Variants in CA1 observed in about 807,000 individuals in gnomAD.
CA1 encodes carbonic anhydrase 1, also known as carbonate dehydratase I.
In CA1, 27 loss-of-function variants were observed where a neutral mutation model predicts 28.8. The observed-to-expected ratio is 0.94, with a 90% CI of 0.69 to 1.29. The LOEUF is 1.29. Among genes scored for constraint, CA1 ranks in the 50% most tolerant of loss-of-function variants. The pLI, the probability that CA1 is intolerant of heterozygous loss-of-function variation, is 0.00. For missense variants in CA1, 335 were observed against 310.5 expected (o/e 1.08, Z -0.59); for synonymous variants, 121 against 108.8 (o/e 1.11, Z -0.70).
At chr8:85,338,063 C>G in intron 3 of CA1, 189 bp downstream of exon 3, 1 of 697,760 alleles carries the variant, frequency 1.4e-6, no homozygotes, top group South Asian at 1.5e-5. Flanking sequence ...AAATAGAGAG[C>G]TGGGAGTTCC....
In CA1 at chr8:85,328,621, A is replaced by C; in HGVS notation, c.725T>G (p.Met242Arg). 6.2e-7 allele frequency: 1 copy of C among 1,612,024 alleles called. No individual in the cohort carries two copies. The highest frequency in any genetic ancestry group is 8.5e-7 in the Non-Finnish European group (1 of 1,178,530). Residue 242 changes from methionine to arginine, a missense_variant, in exon 8 of 8, where the codon ATG (methionine) becomes AGG (arginine). Coordinates refer to ENST00000523022, the MANE Select transcript of CA1 (RefSeq NM_001128831.4). Reference sequence around the variant, plus strand: ...TTGGGTTGGGCGGTTGTTGTGCTGCATGGGGACAGCGTTATCACCTTCAAC... The same window carrying C: ...TTGGGTTGGGCGGTTGTTGTGCTGCCTGGGGACAGCGTTATCACCTTCAAC... ...SNVEGDNAVP[M>R]QHNNRPTQPL...
Position 85,328,441 on chromosome 8 carries a change from A to T in CA1, c.*119T>A. ...TTTCTTAGTTTTACAGATTGATTTG[A>T]AGGCATGCTGTCTTGCTAATATTGA... On this transcript the variant is annotated 3_prime_UTR_variant, in exon 8 of 8. Transcript: ENST00000523022. The T allele has an allele frequency of 1.6e-6, 1 of 640,830 alleles. No individual in the cohort carries two copies. The highest frequency in any genetic ancestry group is 2.4e-5 in the Admixed American group (1 of 41,308). 39.7% of individuals were successfully genotyped at this position (640,830 alleles called of 1,614,324 possible).
chr8:85,334,731 GC>G (rs1808573024), intron 4 of CA1, among the ~76,000 whole-genome samples: 1 of 151,598 alleles, frequency 6.6e-6, no homozygotes, highest in Admixed American at 6.6e-5. Flanking sequence ...AGTATCTCAC[GC>G]CTGTAATTCC....
At chr8:85,356,692 A>G (rs1809618263) in intron 1 of CA1, among the ~76,000 whole-genome samples, 1 of 152,182 alleles carries the variant, frequency 6.6e-6, no homozygotes, top group African/African-American at 2.4e-5. Context: ...TTAAAACTAA[A>G]TGTCTTTCTG....
chr8:85,370,587 A>T (rs1349022490), intron 1 of CA1, among the ~76,000 whole-genome samples: 1 of 152,148 alleles, frequency 6.6e-6, no homozygotes, highest in Non-Finnish European at 1.5e-5. Context: ...CTCAGTAACC[A>T]TGTCTCAGTA....
intron 1 of CA1, among the ~76,000 whole-genome samples, chr8:85,375,852 A>G (rs561159115): frequency 1.3e-5 from 2 of 152,348 alleles, no homozygotes; most frequent in Admixed American, 1.3e-4. Context: ...TACAGTATTC[A>G]GTAGATAGTG....
At chr8:85,373,632 G>T (rs764461702) in intron 1 of CA1, among the ~76,000 whole-genome samples, 1 of 152,092 alleles carries the variant, frequency 6.6e-6, no homozygotes, top group East Asian at 1.9e-4. Context: ...AGATGTGTTT[G>T]TATAAGGAAA....
chr8:85,356,538 T>G (rs1450526560), intron 1 of CA1, among the ~76,000 whole-genome samples: 2 of 152,196 alleles, frequency 1.3e-5, no homozygotes, highest in African/African-American at 4.8e-5. Context: ...GAATACGTTT[T>G]AATGGTTGGA....
chr8:85,331,792 T>C (rs894225450), intron 6 of CA1, among the ~76,000 whole-genome samples: 1 of 152,114 alleles, frequency 6.6e-6, no homozygotes, highest in Non-Finnish European at 1.5e-5. Flanking sequence ...CTTTTCTGCT[T>C]TTATCTTCAC....
intron 1 of CA1, among the ~76,000 whole-genome samples, chr8:85,373,941 G>T (rs1810320317): frequency 1.3e-5 from 2 of 152,118 alleles, no homozygotes; most frequent in African/African-American, 4.8e-5. Context: ...AAGGAGTGGG[G>T]AGTTATTGTT....
chr8:85,371,793 A>C (rs1466946949), intron 1 of CA1, among the ~76,000 whole-genome samples: 2 of 152,210 alleles, frequency 1.3e-5, no homozygotes, highest in Non-Finnish European at 2.9e-5. Context: ...CAGAGCAGCA[A>C]GGTTCTGATA....
chr8:85,334,830 A>G (rs1448028453), intron 4 of CA1, among the ~76,000 whole-genome samples: 2 of 150,606 alleles, frequency 1.3e-5, no homozygotes, highest in Non-Finnish European at 1.5e-5. Flanking sequence ...ATCTCTACTA[A>G]AAATACAAAA....
chr8:85,347,595 A>G (rs1053707438), intron 1 of CA1, among the ~76,000 whole-genome samples: 2 of 152,184 alleles, frequency 1.3e-5, no homozygotes, highest in Non-Finnish European at 2.9e-5. Flanking sequence ...CCAAACAGAC[A>G]TCAATGACAT....
chr8:85,373,444 C>T (rs957496276), intron 1 of CA1: 3 of 152,188 alleles, frequency 2.0e-5, no homozygotes, highest in Non-Finnish European at 4.4e-5. Context: ...ACAGAGGCAT[C>T]ACAGCATCTC....
chr8:85,328,825 T>C, intron 7 of CA1, 149 bp from the exon 8 acceptor site: 1 of 447,146 alleles, frequency 2.2e-6, no homozygotes, highest in Non-Finnish European at 4.0e-6. Context: ...CCCCAAATCC[T>C]TTACATTCAT....
rs1809546742 is a variant in CA1, at chr8:85,354,864, A to G, written c.-24-13205T>C. ...CTTTTCTGGAAGCTAGATTTAGGTTAGCTTGAATGTCCAACCTATACCTGT... is the reference window on the plus strand; with the variant it reads ...CTTTTCTGGAAGCTAGATTTAGGTTGGCTTGAATGTCCAACCTATACCTGT... On this transcript the variant is annotated intron_variant, in intron 1 of 7. Transcript: ENST00000523022. 2.0e-5 allele frequency among the ~76,000 whole-genome samples: 3 copies of G among 152,328 alleles called. No individual in the cohort carries two copies. In the South Asian group the frequency reaches 6.2e-4, roughly 32 times the overall value.
rs763615949 is a variant in CA1, at chr8:85,332,490, C to A, written c.513G>T (p.Lys171Asn). The A allele has an allele frequency of 3.1e-6, 5 of 1,610,138 alleles. No homozygotes were observed. Among genetic ancestry groups the A allele is most frequent in the Non-Finnish European group, 4.2e-6 (5 of 1,176,874 alleles). ...VLDALQAIKT[K>N]GKRAPFTNFD... ...TAAACTACTTATTTAGTGTGTTTAC[C>A]TTGGTTTTAATTGCTTGGAGGGCAT... Residue 171 changes from lysine to asparagine, a missense_variant and splice_region_variant, in exon 6 of 8, where the codon AAG becomes AAT. Coordinates refer to ENST00000523022, the MANE Select transcript of CA1 (RefSeq NM_001128831.4).
At chr8:85,330,903 A>G (rs927770899) in intron 6 of CA1, among the ~76,000 whole-genome samples, 10 of 152,082 alleles carry the variant, frequency 6.6e-5, no homozygotes, top group African/African-American at 2.4e-4. Context: ...AAGAAAGTTT[A>G]TCCTATGTTT....
At chr8:85,375,857 A>G (rs1018712623) in intron 1 of CA1, among the ~76,000 whole-genome samples, 2 of 152,202 alleles carry the variant, frequency 1.3e-5, no homozygotes, top group African/African-American at 2.4e-5. Context: ...TATTCAGTAG[A>G]TAGTGTTAAT....
Sources: allele counts gnomAD v4.1 joint callset (sites outside exome capture counted in the v4.1 genomes callset), GRCh38; gene constraint gnomAD v4.1.1; transcripts MANE v1.5; gene names NCBI Gene and HGNC (gene_info 2026-07-23, HGNC 2026-07-21).